TMPRSS9: variants seen among roughly 807,000 people sequenced by gnomAD.
TMPRSS9 encodes the protein transmembrane protease serine 9.
In TMPRSS9, 113 loss-of-function variants were observed where a neutral mutation model predicts 111.4. That is an observed-to-expected ratio of 1.01 (90% CI 0.87 to 1.19). The LOEUF is 1.19. TMPRSS9 is among the 50% of genes most tolerant of loss of function. The pLI, the probability that TMPRSS9 is intolerant of heterozygous loss-of-function variation, is 0.00. For synonymous variants in TMPRSS9, 805 were observed against 659.1 expected (o/e 1.22, Z -3.39); for missense variants, 1,803 against 1,513.1 (o/e 1.19, Z -3.18).
intron 4 of TMPRSS9, 113 bp downstream of exon 5, chr19:2,399,306 G>A (rs1435348301): frequency 5.9e-6 from 8 of 1,359,182 alleles, no homozygotes; most frequent in South Asian, 3.0e-5. Flanking sequence ...CAAACTGGCC[G>A]GGTGTGGTGG....
chr19:2,416,733 G>A, exon 12 of TMPRSS9: 2 of 1,613,114 alleles, frequency 1.2e-6, no homozygotes, highest in Non-Finnish European at 8.5e-7. Context: ...CTGTCTGCCT[G>A]CCCCTGGCCA....
At chr19:2,415,410 G>A (rs1395492550) in intron 10 of TMPRSS9, among the ~76,000 whole-genome samples, 1 of 152,104 alleles carries the variant, frequency 6.6e-6, no homozygotes, top group Non-Finnish European at 1.5e-5. Context: ...GGTGGGGTCT[G>A]TTGCGGGGGG....
upstream of TMPRSS9, among the ~76,000 whole-genome samples, chr19:2,389,224 C>T (rs7508739): frequency 2.0e-5 from 3 of 148,866 alleles, no homozygotes; most frequent in Non-Finnish European, 3.0e-5. Flanking sequence ...CAGGCGCCCA[C>T]CACCACGCCT....
At chr19:2,406,094 T>G (rs866349038) in intron 7 of TMPRSS9, among the ~76,000 whole-genome samples, 1,946 of 145,274 alleles carry the variant, frequency 0.013, 30 homozygotes, top group African/African-American at 0.048. Flanking sequence ...CACTGCAAGC[T>G]CCGCCTCCCG....
chr19:2,377,473 C>CCTCTCCCCTCTCCT (rs1970346658), intron 1 of TMPRSS9, among the ~76,000 whole-genome samples: 1 of 65,970 alleles, frequency 1.5e-5, no homozygotes, highest in Non-Finnish European at 2.9e-5. Flanking sequence ...TCCCCTCTCC[C>CCTCTCCCCTCTCCT]CTCTCCTCTC....
At chr19:2,383,086 G>T (rs1970405663) in intron 1 of TMPRSS9, among the ~76,000 whole-genome samples, 1 of 152,172 alleles carries the variant, frequency 6.6e-6, no homozygotes, top group Non-Finnish European at 1.5e-5. Flanking sequence ...TGGCGCAGTG[G>T]CTCACGCCTG....
At chr19:2,370,906 G>T (rs113952130) in intron 1 of TMPRSS9, among the ~76,000 whole-genome samples, 56 of 152,196 alleles carry the variant, frequency 3.7e-4, no homozygotes, top group African/African-American at 1.3e-3. Flanking sequence ...AGGCTGCAGT[G>T]AGCCGAGATC....
chr19:2,412,725 A>AT (rs990819714), intron 9 of TMPRSS9, among the ~76,000 whole-genome samples: 7 of 152,116 alleles, frequency 4.6e-5, no homozygotes, highest in East Asian at 1.9e-4. Flanking sequence ...CTCCTGCCTA[A>AT]TTTTTTTAGC....
chr19:2,424,535 C>T (rs995501592), intron 15 of TMPRSS9, among the ~76,000 whole-genome samples: 7 of 125,958 alleles, frequency 5.6e-5, no homozygotes, highest in Non-Finnish European at 1.0e-4. Flanking sequence ...GAAGCTGCGG[C>T]CCCCCCCCTC....
chr19:2,367,772 C>A (rs963361756), intron 1 of TMPRSS9, among the ~76,000 whole-genome samples: 1 of 151,848 alleles, frequency 6.6e-6, no homozygotes, highest in African/African-American at 2.4e-5. Context: ...ACTGTGTTAG[C>A]CAGGCTGGTC....
chr19:2,363,770 T>G (rs1382686865), intron 1 of TMPRSS9, among the ~76,000 whole-genome samples: 1 of 139,290 alleles, frequency 7.2e-6, no homozygotes, highest in Non-Finnish European at 1.5e-5. Context: ...TCACTAGAAT[T>G]CCAAGAACTC....
At chr19:2,423,883 T>C (rs1971526045) in intron 14 of TMPRSS9, among the ~76,000 whole-genome samples, 1 of 152,118 alleles carries the variant, frequency 6.6e-6, no homozygotes, top group African/African-American at 2.4e-5. Context: ...AGGAAACAAA[T>C]GCATTTCCAA....
At chr19:2,416,703 C>G (rs1466039155) in exon 12 of TMPRSS9, 7 of 1,613,080 alleles carry the variant, frequency 4.3e-6, no homozygotes, top group Admixed American at 3.3e-5. Context: ...GCCCCCTGGC[C>G]TTCAACAAAT....
At chr19:2,386,379 C>A (rs1237440026), upstream of TMPRSS9, among the ~76,000 whole-genome samples, 3 of 151,910 alleles carry the variant, frequency 2.0e-5, no homozygotes, top group Non-Finnish European at 4.4e-5. Flanking sequence ...GTGGCGGGCG[C>A]CTGTAGTCCC....
chr19:2,400,243 A>G (rs959482619), intron 4 of TMPRSS9, among the ~76,000 whole-genome samples: 2 of 152,224 alleles, frequency 1.3e-5, no homozygotes, highest in Admixed American at 1.3e-4. Flanking sequence ...GCTACACTCT[A>G]ATAAAATTGT....
chr19:2,396,267 T>G, intron 1 of TMPRSS9: 1 of 361,736 alleles, frequency 2.8e-6, no homozygotes, highest in Non-Finnish European at 5.0e-6. Context: ...TGGGGCTCAC[T>G]TGGCACTCAT....
chr19:2,424,887 A>C (rs1971569466), intron 15 of TMPRSS9, 115 bp from the exon 17 acceptor site: 5 of 1,278,878 alleles, frequency 3.9e-6, no homozygotes, highest in Non-Finnish European at 5.0e-6. Context: ...ACAGCCAGAG[A>C]CCAAGAGGCC....
intron 4 of TMPRSS9, 148 bp from the exon 6 acceptor site, chr19:2,401,825 CTG>C: frequency 2.5e-6 from 1 of 396,582 alleles, no homozygotes; most frequent in Non-Finnish European, 4.7e-6. Context: ...CCAGGCTGGT[CTG>C]TAACTCCTGA....
At chr19:2,401,919 T>A in intron 4 of TMPRSS9, 56 bp from the exon 6 acceptor site, 1 of 1,550,228 alleles carries the variant, frequency 6.5e-7, no homozygotes, top group East Asian at 2.4e-5. Context: ...ATAGGATGTG[T>A]TCAAAGGGTT....
Sources: gnomAD v4.1 joint callset for allele counts (sites outside exome capture counted in the v4.1 genomes callset) on GRCh38, gnomAD v4.1.1 for gene constraint, MANE v1.5 for transcripts, NCBI Gene and HGNC (gene_info 2026-07-23, HGNC 2026-07-21) for gene names.